ASH1L: variants seen among roughly 807,000 people sequenced by gnomAD.
ASH1L encodes the protein histone-lysine N-methyltransferase ASH1L.
ASH1L carries 23 observed loss-of-function variants against 269.0 expected under a neutral mutation model. That is an observed-to-expected ratio of 0.09 (90% confidence interval 0.06 to 0.12). The LOEUF (loss-of-function observed/expected upper bound fraction) is 0.12, where lower values mean the gene tolerates loss of function less well. Ranked by LOEUF, ASH1L falls within the 10% of genes least tolerant of loss-of-function variation. The pLI is 1.00. For missense variants in ASH1L, 2,912 were observed against 3,567.8 expected (o/e 0.82, Z 4.68); for synonymous variants, 1,187 against 1,253.5 (o/e 0.95, Z 1.12).
chr1:155,420,972 T>C (rs1248370245), intron 5 of ASH1L, among the ~76,000 whole-genome samples: 1 of 145,812 alleles, frequency 6.9e-6, no homozygotes, highest in Non-Finnish European at 1.5e-5. Context: ...CTTGGCAGCT[T>C]TCACCTGTAA....
At chr1:155,501,081 A>T (rs1485801254) in intron 2 of ASH1L, among the ~76,000 whole-genome samples, 1 of 152,246 alleles carries the variant, frequency 6.6e-6, no homozygotes, top group East Asian at 1.9e-4. Context: ...AATACCCCAT[A>T]GTATTAATAA....
Position 155,479,405 on chromosome 1 carries a change from T to C in ASH1L, c.3465A>G (p.Ser1155=). 1.2e-6 allele frequency: 2 copies of C among 1,614,098 alleles called. No homozygotes were observed. The highest frequency in any genetic ancestry group is 1.7e-6 in the Non-Finnish European group (2 of 1,180,016). Residue 1155 remains serine (S), a synonymous_variant, in exon 3 of 28, where the codon TCA becomes TCG. Coordinates refer to ENST00000392403, the MANE Select transcript of ASH1L (RefSeq NM_018489.3). The part of the protein sequence containing the change: ...MIQTLAMKKA[S]KGRRRLSPPT... ...GAGGAGATAACCGCCTCCTCCCCTTTGAGGCCTTCTTCATTGCAAGAGTCT... is the reference window on the plus strand; with the variant it reads ...GAGGAGATAACCGCCTCCTCCCCTTCGAGGCCTTCTTCATTGCAAGAGTCT...
chr1:155,470,224 C>T lies in ASH1L; in HGVS notation c.4984+7662G>A, dbSNP rs545746227. ...CTGTAATCCCAGCACTTTGGGAAGC[C>T]GAGGCGGGTGGATCACCATAGGTCA... On this transcript the variant is annotated intron_variant, in intron 3 of 27. Transcript: ENST00000392403. Among the ~76,000 whole-genome samples the T allele has an allele frequency of 1.4e-4, 21 of 152,014 alleles. No homozygotes were observed. In the East Asian group the frequency reaches 2.1e-3, roughly 15 times the overall value.
intron 2 of ASH1L, among the ~76,000 whole-genome samples, chr1:155,520,604 T>C (rs1378389896): frequency 6.6e-6 from 1 of 152,032 alleles, no homozygotes; most frequent in Non-Finnish European, 1.5e-5. Flanking sequence ...GGCTCATGCC[T>C]GTAATCCCAG....
intron 12 of ASH1L, among the ~76,000 whole-genome samples, chr1:155,361,317 G>C (rs1654918615): frequency 6.6e-6 from 1 of 151,794 alleles, no homozygotes; most frequent in Admixed American, 6.6e-5. Flanking sequence ...AGGAGTTCGA[G>C]ACCAGCCTGA....
intron 1 of ASH1L, among the ~76,000 whole-genome samples, chr1:155,534,952 G>A (rs1433606270): frequency 6.6e-6 from 1 of 152,154 alleles, no homozygotes. Flanking sequence ...CACTTTGGCA[G>A]GCCAAGGCGG....
At chr1:155,539,409 A>T (rs1670271397) in intron 1 of ASH1L, among the ~76,000 whole-genome samples, 1 of 151,574 alleles carries the variant, frequency 6.6e-6, no homozygotes, top group Non-Finnish European at 1.5e-5. Flanking sequence ...GCTCTCCTCC[A>T]GCCCAAGCTA....
chr1:155,451,197 CAAA>C (rs71080705), intron 4 of ASH1L, among the ~76,000 whole-genome samples: 6 of 84,136 alleles, frequency 7.1e-5, no homozygotes, highest in Admixed American at 1.2e-4. Context: ...AACTCCACCT[CAAA>C]AAAAAAAAAA....
At position 155,438,613 on chromosome 1, in the gene ASH1L, G is replaced by A. The variant is rs946077765; in HGVS notation, c.5542C>T (p.Arg1848Cys). 3.7e-6 allele frequency: 6 copies of A among 1,614,110 alleles called. No homozygotes were observed. The highest frequency in any genetic ancestry group is 1.3e-5 in the African/African-American group (1 of 75,020). The stretch of plus-strand genomic sequence containing the variant: ...CATTTCCGAGGTCGACCTGGCCTAC[G>A]TTTCACAAAGTTATTCCCTGTCCTG... ...QARTGNNFVK[R>C]RPGRPRKCPL... Residue 1848 changes from arginine to cysteine, a missense_variant, in exon 5 of 28, where the codon CGT becomes TGT. Coordinates refer to ENST00000392403, the MANE Select transcript of ASH1L (RefSeq NM_018489.3).
intron 2 of ASH1L, among the ~76,000 whole-genome samples, chr1:155,503,698 T>C (rs1558173319): frequency 6.6e-6 from 1 of 152,230 alleles, no homozygotes; most frequent in Non-Finnish European, 1.5e-5. Context: ...ACAGTTAATA[T>C]GTAAACTACC....
intron 16 of ASH1L, among the ~76,000 whole-genome samples, chr1:155,353,168 T>A (rs1262105426): frequency 6.6e-6 from 1 of 152,214 alleles, no homozygotes; most frequent in African/African-American, 2.4e-5. Context: ...AGTTGTGTGA[T>A]CTTGGGCAAG....
At chr1:155,476,367 C>A (rs1178522723) in intron 3 of ASH1L, among the ~76,000 whole-genome samples, 2 of 151,732 alleles carry the variant, frequency 1.3e-5, no homozygotes. Context: ...GCCTGGGCAA[C>A]AGAGCAAGAC....
At chr1:155,452,058 T>C (rs77195255) in intron 4 of ASH1L, among the ~76,000 whole-genome samples, 99 of 150,992 alleles carry the variant, frequency 6.6e-4, no homozygotes, top group Middle Eastern at 3.4e-3. Flanking sequence ...TTTTTTTTTT[T>C]GAGACAGTCT....
intron 1 of ASH1L, among the ~76,000 whole-genome samples, chr1:155,539,974 TG>T (rs1670314819): frequency 6.6e-6 from 1 of 151,770 alleles, no homozygotes; most frequent in Admixed American, 6.6e-5. Flanking sequence ...GAAGCTGAGG[TG>T]GGAGGATTCC....
At chr1:155,529,204 T>G (rs769059763) in intron 1 of ASH1L, among the ~76,000 whole-genome samples, 1 of 152,204 alleles carries the variant, frequency 6.6e-6, no homozygotes, top group Non-Finnish European at 1.5e-5. Flanking sequence ...TTTGGGTATA[T>G]ACCCAGTAAC....
rs1317471810 is a variant in ASH1L, at chr1:155,335,518, G to GC, written c.*2141dup. 1 of 152,574 alleles carries GC rather than the reference G, an allele frequency of 6.6e-6. No homozygotes were observed. The highest frequency in any genetic ancestry group is 2.4e-5 in the African/African-American group (1 of 41,384). The allele number at this position is 152,574 out of a possible 1,614,324, so 9.5% of individuals were successfully genotyped here. On this transcript the variant is annotated 3_prime_UTR_variant, in exon 28 of 28. Transcript: ENST00000392403. ...TTGCAGTGATGTAGTGCTTTGCCCC[G>GC]CATTTCAAACACCAAAACCCGCCTG... is the stretch of plus-strand genomic sequence containing the variant.
At chr1:155,414,012 T>C (rs1267398717) in intron 6 of ASH1L, among the ~76,000 whole-genome samples, 2 of 152,150 alleles carry the variant, frequency 1.3e-5, no homozygotes, top group Non-Finnish European at 2.9e-5. Context: ...GACAAATCAA[T>C]AAAAATCTTT....
chr1:155,447,638 T>C (rs1307031391), intron 4 of ASH1L, among the ~76,000 whole-genome samples: 2 of 152,254 alleles, frequency 1.3e-5, no homozygotes, highest in African/African-American at 2.4e-5. Context: ...TGAATACCTA[T>C]GCCTGTTGCC....
At chr1:155,348,684 C>A (rs1653583054) in intron 19 of ASH1L, among the ~76,000 whole-genome samples, 1 of 152,028 alleles carries the variant, frequency 6.6e-6, no homozygotes, top group South Asian at 2.1e-4. Context: ...GAGTTCAAGA[C>A]CAGCCTGGCC....
Sources: gnomAD v4.1 joint callset for allele counts (sites outside exome capture counted in the v4.1 genomes callset) on GRCh38, gnomAD v4.1.1 for gene constraint, MANE v1.5 for transcripts, NCBI Gene and HGNC (gene_info 2026-07-23, HGNC 2026-07-21) for gene names.